WNT9B: variants seen among roughly 807,000 people sequenced by gnomAD.
WNT9B encodes the protein protein Wnt-9b.
WNT9B carries 12 observed loss-of-function variants against 30.2 expected under a neutral mutation model. That is an observed-to-expected ratio of 0.40 (90% CI 0.26 to 0.64). The LOEUF is 0.64. WNT9B is among the 30% of genes least tolerant of loss of function. The probability of loss-of-function intolerance (pLI) is 0.42; values close to 1 mark genes in which losing one functional copy is unlikely to be tolerated. For synonymous variants in WNT9B, 218 were observed against 216.9 expected (o/e 1.01, Z -0.05); for missense variants, 442 against 485.2 (o/e 0.91, Z 0.84).
At chr17:46,867,344 G>T (rs2085155926) in intron 1 of WNT9B, among the ~76,000 whole-genome samples, 1 of 152,282 alleles carries the variant, frequency 6.6e-6, no homozygotes, top group Non-Finnish European at 1.5e-5. Flanking sequence ...CTAGGAAGAG[G>T]TGGAGGTGGG....
intron 1 of WNT9B, among the ~76,000 whole-genome samples, chr17:46,838,693 C>T (rs761619150): frequency 1.3e-5 from 2 of 151,964 alleles, no homozygotes; most frequent in Non-Finnish European, 2.9e-5. Flanking sequence ...CACACATCCA[C>T]GTATATGTAA....
downstream of WNT9B, among the ~76,000 whole-genome samples, chr17:46,882,476 C>T (rs1049846871): frequency 3.3e-5 from 5 of 152,154 alleles, no homozygotes; most frequent in African/African-American, 7.2e-5. Context: ...GCTCTTGTTG[C>T]CCAGGCTGGA....
chr17:46,847,853 G>A (rs1437113109), upstream of WNT9B, among the ~76,000 whole-genome samples: 1 of 152,214 alleles, frequency 6.6e-6, no homozygotes, highest in Non-Finnish European at 1.5e-5. Context: ...GGCAGGGTGG[G>A]CTGGCCTGGG....
At chr17:46,852,293 C>T (rs1275636266) in intron 1 of WNT9B, among the ~76,000 whole-genome samples, 2 of 151,992 alleles carry the variant, frequency 1.3e-5, no homozygotes, top group Non-Finnish European at 2.9e-5. Context: ...CAGCTGGAGA[C>T]GCAGGAAGGA....
At chr17:46,854,442 T>C (rs2084906767) in intron 1 of WNT9B, among the ~76,000 whole-genome samples, 1 of 152,172 alleles carries the variant, frequency 6.6e-6, no homozygotes, top group African/African-American at 2.4e-5. Flanking sequence ...AATCATAGAA[T>C]CGTAGACTTC....
chr17:46,872,341 C>T (rs1221458727), intron 1 of WNT9B, among the ~76,000 whole-genome samples, 176 bp from the exon 2 acceptor site: 1 of 152,218 alleles, frequency 6.6e-6, no homozygotes, highest in Non-Finnish European at 1.5e-5. Context: ...CCTGCAGCAA[C>T]CTTTGTTACA....
Position 46,875,330 on chromosome 17 carries a change from A to G in WNT9B, c.564A>G (p.Ala188=), listed in dbSNP as rs780278948. ...AGAGAGGAAACAAGGACCTGCGGGC[A>G]CGGGCAGACGCCCACAATACCCACG... ...GSKRGNKDLR[A]RADAHNTHVG... Residue 188 remains alanine, a synonymous_variant, in exon 3 of 4, where the codon GCA becomes GCG. Transcript: ENST00000290015. The G allele has an allele frequency of 1.9e-6, 3 of 1,612,118 alleles. No homozygotes were observed. Among genetic ancestry groups the G allele is most frequent in the Non-Finnish European group, 2.5e-6 (3 of 1,178,704 alleles).
downstream of WNT9B, among the ~76,000 whole-genome samples, chr17:46,884,795 G>A (rs1598876150): frequency 6.6e-6 from 1 of 152,216 alleles, no homozygotes; most frequent in Admixed American, 6.5e-5. Flanking sequence ...TTCAGACCCA[G>A]TGAAGGCGAC....
rs776196246 is a variant in WNT9B at position 46,851,645 on chromosome 17, C to G, written c.7C>G (p.Pro3Ala). MR[P>A]PPALALAGLC... is the part of the protein sequence containing the mutation. The stretch of plus-strand genomic sequence containing the variant: ...GCGCAGCGCCGCCAGCACCATGCGC[C>G]CCCCGCCCGCGCTGGCCCTGGCCGG... The change falls in exon 1 of 4, where the codon CCC becomes GCC. Residue 3 changes from proline to alanine, a missense_variant. By Grantham distance (27) the Pro-to-Ala change is conservative. Transcript: ENST00000290015. This position sits in a 1 kb window ranked among gnomAD's most constrained non-coding sequence, Gnocchi z 4.3. 9.4e-6 allele frequency: 12 copies of G among 1,280,030 alleles called. No homozygotes were observed. In the South Asian group the frequency reaches 2.9e-4, roughly 31 times the overall value. The allele number at this position is 1,280,030 out of a possible 1,614,324, so 79.3% of individuals were successfully genotyped here. A position where few individuals can be genotyped will look rare whatever the true frequency, so the allele number is the denominator to read the frequency against.
At chr17:46,871,353 C>CATCT (rs769888760) in intron 1 of WNT9B, among the ~76,000 whole-genome samples, 7 of 152,312 alleles carry the variant, frequency 4.6e-5, no homozygotes, top group Admixed American at 1.3e-4. Flanking sequence ...CCAGCAGAGC[C>CATCT]ATCTCACAGA....
At chr17:46,883,438 C>G (rs1341236151), downstream of WNT9B, among the ~76,000 whole-genome samples, 1 of 151,738 alleles carries the variant, frequency 6.6e-6, no homozygotes, top group Non-Finnish European at 1.5e-5. Context: ...GCGCCTACCC[C>G]ACGCCCGGCC....
At chr17:46,850,646 TG>T (rs2084829935), upstream of WNT9B, among the ~76,000 whole-genome samples, 1 of 152,354 alleles carries the variant, frequency 6.6e-6, no homozygotes, top group East Asian at 1.9e-4. Context: ...AAATCTCACT[TG>T]GGTCATTGGT....
At chr17:46,874,597 A>T (rs1172754515) in intron 2 of WNT9B, among the ~76,000 whole-genome samples, 1 of 152,232 alleles carries the variant, frequency 6.6e-6, no homozygotes. Context: ...AATTTTTTTG[A>T]GACAAGGTCT....
downstream of WNT9B, among the ~76,000 whole-genome samples, chr17:46,882,495 G>A (rs1341263675): frequency 6.6e-6 from 1 of 152,144 alleles, no homozygotes; most frequent in Non-Finnish European, 1.5e-5. Flanking sequence ...GAGTGCAGTG[G>A]TGCGATCTCG....
At position 46,879,700 on chromosome 17, in the gene WNT9B, G is replaced by A. The variant is rs1393296916; in HGVS notation, c.*2982G>A. Among the ~76,000 whole-genome samples the A allele has an allele frequency of 6.6e-6, 1 of 152,200 alleles. No individual in the cohort carries two copies. Among genetic ancestry groups the A allele is most frequent in the Non-Finnish European group, 1.5e-5 (1 of 68,032 alleles). On this transcript the variant is annotated 3_prime_UTR_variant, in exon 4 of 4. Transcript: ENST00000290015. Reference sequence around the variant, plus strand: ...TTTACTGAACATCTCCATAGACCAGGCACTACGGGCTGACCTGCTCTGAGC... The same window carrying A: ...TTTACTGAACATCTCCATAGACCAGACACTACGGGCTGACCTGCTCTGAGC...
chr17:46,851,389 C>A (rs1295289168), upstream of WNT9B, among the ~76,000 whole-genome samples: 2 of 146,312 alleles, frequency 1.4e-5, no homozygotes, highest in Non-Finnish European at 3.0e-5. The surrounding 1 kb of genome is among the most constrained non-coding windows in gnomAD (Gnocchi z 4.3). Flanking sequence ...GGCCGGAGGG[C>A]GGGGCAATGG....
chr17:46,843,137 G>A (rs2084735234), intron 1 of WNT9B, among the ~76,000 whole-genome samples: 1 of 152,260 alleles, frequency 6.6e-6, no homozygotes, highest in Non-Finnish European at 1.5e-5. Flanking sequence ...AGCCCAGAGA[G>A]GGAGAAACTA....
intron 1 of WNT9B, among the ~76,000 whole-genome samples, chr17:46,870,075 A>T (rs1283980356): frequency 6.6e-6 from 1 of 152,190 alleles, no homozygotes; most frequent in Non-Finnish European, 1.5e-5. Flanking sequence ...CATAGCTATT[A>T]TTCTTAAAAT....
Position 46,875,084 on chromosome 17 carries a change from C to G in WNT9B, c.335-17C>G, listed in dbSNP as rs373421858. 13 of 1,613,556 alleles carry G rather than the reference C, an allele frequency of 8.1e-6. No homozygotes were observed. Among genetic ancestry groups the G allele is most frequent in the African/African-American group, 1.3e-5 (1 of 75,062 alleles). ...CCCCCTTTCCTCCCTCCCTATGCCC[C>G]TGGGTGCCCGATCCAGGCTTCAAAG... On this transcript the variant is annotated splice_polypyrimidine_tract_variant and intron_variant, in intron 2 of 3. Transcript: ENST00000290015.
Sources: gnomAD v4.1 joint callset for allele counts (sites outside exome capture counted in the v4.1 genomes callset) on GRCh38, gnomAD v4.1.1 for gene constraint, Gnocchi (gnomAD v3.1) non-coding constraint, MANE v1.5 for transcripts, NCBI Gene and HGNC (gene_info 2026-07-23, HGNC 2026-07-21) for gene names.